CERT1: variants seen among roughly 807,000 people sequenced by gnomAD.
CERT1 encodes the protein ceramide transporter 1, also known as ceramide transfer protein.
Under a neutral mutation model 87.9 loss-of-function variants are expected in CERT1, and 31 were observed. The observed-to-expected ratio is 0.35, with a 90% CI of 0.27 to 0.48. CERT1 has a LOEUF of 0.48. CERT1 is among the 20% of genes least tolerant of loss of function. The pLI is 0.99. For missense variants in CERT1, 487 were observed against 758.0 expected, an observed-to-expected ratio of 0.64 and a Z score of 4.20; for synonymous variants, 289 against 250.9, an observed-to-expected ratio of 1.15 and a Z score of -1.44.
intron 6 of CERT1, among the ~76,000 whole-genome samples, chr5:75,418,266 A>G (rs1456879057): frequency 6.6e-6 from 1 of 152,202 alleles, no homozygotes; most frequent in Non-Finnish European, 1.5e-5. Flanking sequence ...AAGGTGCTTA[A>G]TATCACTAGT....
At chr5:75,482,394 C>T (rs1766288613) in intron 2 of CERT1, among the ~76,000 whole-genome samples, 2 of 152,146 alleles carry the variant, frequency 1.3e-5, no homozygotes, top group Admixed American at 1.3e-4. Context: ...TAAAATAGAG[C>T]ACCAAGTAGA....
At chr5:75,386,911 A>G (rs968753045) in intron 12 of CERT1, among the ~76,000 whole-genome samples, 6 of 152,160 alleles carry the variant, frequency 3.9e-5, no homozygotes, top group African/African-American at 1.4e-4. Flanking sequence ...ATTGTTGCCC[A>G]GGCTGGAGTG....
chr5:75,385,247 TG>T (rs1580696883), intron 13 of CERT1, among the ~76,000 whole-genome samples: 1 of 152,048 alleles, frequency 6.6e-6, no homozygotes, highest in Non-Finnish European at 1.5e-5. Flanking sequence ...CCAAGGCAGG[TG>T]GAACACCTGA....
intron 5 of CERT1, among the ~76,000 whole-genome samples, chr5:75,421,639 A>G (rs1305799406): frequency 6.6e-6 from 1 of 152,194 alleles, no homozygotes; most frequent in Non-Finnish European, 1.5e-5. Flanking sequence ...ATACTCAGAT[A>G]AAAAATCATG....
chr5:75,381,489 G>C (rs1761583246), intron 15 of CERT1, among the ~76,000 whole-genome samples: 2 of 151,404 alleles, frequency 1.3e-5, no homozygotes, highest in African/African-American at 4.9e-5. Flanking sequence ...CAGAGTAGCT[G>C]GGACCACAGG....
At chr5:75,503,679 C>T (rs1767488790) in intron 2 of CERT1, among the ~76,000 whole-genome samples, 1 of 151,788 alleles carries the variant, frequency 6.6e-6, no homozygotes, top group Non-Finnish European at 1.5e-5. Flanking sequence ...TTTTATCTCT[C>T]CTTCAAAGAA....
chr5:75,411,496 T>C (rs1247139161), intron 7 of CERT1, among the ~76,000 whole-genome samples: 1 of 152,090 alleles, frequency 6.6e-6, no homozygotes, highest in African/African-American at 2.4e-5. Context: ...GTATTTTTAG[T>C]AGAGATGGGG....
downstream of CERT1, chr5:75,376,280 C>T (rs1314296263): frequency 2.0e-5 from 3 of 152,190 alleles, no homozygotes; most frequent in African/African-American, 2.4e-5. Context: ...TGCTTTAATA[C>T]AAAGTTGTAT....
intron 2 of CERT1, among the ~76,000 whole-genome samples, chr5:75,462,721 T>C (rs1467231679): frequency 1.3e-5 from 2 of 152,066 alleles, no homozygotes; most frequent in African/African-American, 2.4e-5. Context: ...TAAAAAGTCA[T>C]GGATGGCCCA....
At chr5:75,468,390 A>G (rs1274395987) in intron 2 of CERT1, among the ~76,000 whole-genome samples, 3 of 152,166 alleles carry the variant, frequency 2.0e-5, no homozygotes, top group African/African-American at 7.2e-5. Context: ...GAGGAAAAAA[A>G]GAGAAGTGTA....
intron 3 of CERT1, among the ~76,000 whole-genome samples, chr5:75,455,570 C>T (rs774887621): frequency 1.3e-5 from 2 of 152,176 alleles, no homozygotes; most frequent in Non-Finnish European, 2.9e-5. Context: ...TTCAAATCCA[C>T]ATTTGCCAGA....
chr5:75,482,511 G>A lies in CERT1; in HGVS notation c.232-23330C>T, dbSNP rs1220308654. 7.9e-5 allele frequency among the ~76,000 whole-genome samples: 12 copies of A among 152,176 alleles called. No individual in the cohort carries two copies. The East Asian group carries it at 2.3e-3, about 29-fold the overall frequency. On this transcript the variant is annotated intron_variant, in intron 2 of 16. Coordinates refer to ENST00000643780, the MANE Select transcript of CERT1 (RefSeq NM_001379029.1). ...GTCACCTACTGACTGACACCTACTG[G>A]AGAGCCTTTAGGCCTTGAGTAAATA... is the stretch of plus-strand genomic sequence containing the variant.
At chr5:75,488,043 G>A (rs1442344869) in intron 2 of CERT1, among the ~76,000 whole-genome samples, 1 of 152,070 alleles carries the variant, frequency 6.6e-6, no homozygotes, top group African/African-American at 2.4e-5. Flanking sequence ...TACAATGATG[G>A]TTACCAGAGG....
At chr5:75,388,599 C>CATATAT (rs59799780) in intron 12 of CERT1, among the ~76,000 whole-genome samples, 1,281 of 91,472 alleles carry the variant, frequency 0.014, 25 homozygotes, top group Middle Eastern at 0.028. Context: ...AGCATGCATG[C>CATATAT]ATATATATAT....
intron 3 of CERT1, among the ~76,000 whole-genome samples, chr5:75,428,372 C>G (rs1254746572): frequency 6.6e-6 from 1 of 152,046 alleles, no homozygotes; most frequent in Non-Finnish European, 1.5e-5. Context: ...AGACTCTGAA[C>G]ACACATTAAT....
downstream of CERT1, chr5:75,375,416 C>G (rs529803252): frequency 5.9e-5 from 9 of 151,690 alleles, no homozygotes; most frequent in East Asian, 1.6e-3. Flanking sequence ...GAAACCCCAA[C>G]TCTACTAAAA....
chr5:75,404,312 A>AAAC (rs1762621288), intron 8 of CERT1, among the ~76,000 whole-genome samples: 1 of 151,734 alleles, frequency 6.6e-6, no homozygotes, highest in Non-Finnish European at 1.5e-5. Context: ...AAAAAAAAAA[A>AAAC]AACAACTTTC....
intron 8 of CERT1, among the ~76,000 whole-genome samples, chr5:75,403,317 T>C (rs960155121): frequency 2.0e-5 from 3 of 152,266 alleles, no homozygotes; most frequent in African/African-American, 2.4e-5. Flanking sequence ...AGAGCAGAGA[T>C]TGGCAAAAAC....
intron 3 of CERT1, among the ~76,000 whole-genome samples, chr5:75,432,595 G>A (rs1763917839): frequency 6.6e-6 from 1 of 152,174 alleles, no homozygotes; most frequent in Non-Finnish European, 1.5e-5. Context: ...TTATATTCTG[G>A]ATATCAGACC....
Sources: allele counts gnomAD v4.1 joint callset (sites outside exome capture counted in the v4.1 genomes callset), GRCh38; gene constraint gnomAD v4.1.1; transcripts MANE v1.5; gene names NCBI Gene and HGNC (gene_info 2026-07-23, HGNC 2026-07-21).